The following DOCK3 variants were observed in gnomAD, a reference collection of about 807,000 sequenced individuals.
The protein encoded by DOCK3 is dedicator of cytokinesis 3.
DOCK3 carries 60 observed loss-of-function variants against 265.6 expected under a neutral mutation model. The observed-to-expected ratio is 0.23, with a 90% confidence interval of 0.18 to 0.28. DOCK3 has a LOEUF of 0.28. Ranked by LOEUF, DOCK3 falls within the 10% of genes least tolerant of loss-of-function variation. DOCK3 has a pLI of 1.00. For synonymous variants in DOCK3, 881 were observed against 938.0 expected (o/e 0.94, Z 1.11); for missense variants, 1,981 against 2,594.3 (o/e 0.76, Z 5.14).
At chr3:50,708,081 T>C (rs2036527633) in intron 1 of DOCK3, among the ~76,000 whole-genome samples, 1 of 152,162 alleles carries the variant, frequency 6.6e-6, no homozygotes, top group Non-Finnish European at 1.5e-5. Flanking sequence ...GTGCAGATGC[T>C]GACAGTGATG....
intron 32 of DOCK3, among the ~76,000 whole-genome samples, chr3:51,316,788 C>T (rs1289900065): frequency 6.6e-6 from 1 of 152,114 alleles, no homozygotes; most frequent in African/African-American, 2.4e-5. Context: ...AGCTTTTGTT[C>T]ATTTTCATTT....
chr3:51,105,015 A>G (rs1227887290), intron 9 of DOCK3, among the ~76,000 whole-genome samples: 1 of 152,218 alleles, frequency 6.6e-6, no homozygotes, highest in African/African-American at 2.4e-5. Context: ...ATAATGGGAA[A>G]GCATGAGTAC....
At chr3:51,350,886 C>A (rs1458727849) in intron 40 of DOCK3, among the ~76,000 whole-genome samples, 1 of 152,216 alleles carries the variant, frequency 6.6e-6, no homozygotes, top group Non-Finnish European at 1.5e-5. Flanking sequence ...CTGAAGAACA[C>A]AGCATGTGGC....
At chr3:51,317,509 G>A (rs1055156519) in intron 32 of DOCK3, among the ~76,000 whole-genome samples, 16 of 150,350 alleles carry the variant, frequency 1.1e-4, no homozygotes, top group African/African-American at 3.9e-4. Flanking sequence ...GAACCCGGGA[G>A]GTGGAAGTTG....
At chr3:50,887,425 A>G (rs901035104) in intron 3 of DOCK3, among the ~76,000 whole-genome samples, 2 of 127,506 alleles carry the variant, frequency 1.6e-5, no homozygotes, top group Non-Finnish European at 3.2e-5. Flanking sequence ...GCCAAATTCT[A>G]TCAGGGGTAC....
chr3:50,819,511 G>A (rs1408788393), intron 2 of DOCK3, among the ~76,000 whole-genome samples: 1 of 152,174 alleles, frequency 6.6e-6, no homozygotes, highest in African/African-American at 2.4e-5. Context: ...GGTGGGGCAT[G>A]GTGGCTAACA....
At chr3:50,689,300 A>T (rs2035050966) in intron 1 of DOCK3, among the ~76,000 whole-genome samples, 1 of 152,210 alleles carries the variant, frequency 6.6e-6, no homozygotes, top group African/African-American at 2.4e-5. Context: ...CTGAGACTGG[A>T]TGATTTATAA....
chr3:50,905,609 T>C (rs932394598), intron 4 of DOCK3, among the ~76,000 whole-genome samples: 3 of 152,132 alleles, frequency 2.0e-5, no homozygotes, highest in African/African-American at 7.3e-5. Context: ...TGCACATTGA[T>C]TTTGTATCCT....
chr3:50,809,295 T>C (rs1408710673), intron 2 of DOCK3, among the ~76,000 whole-genome samples: 2 of 152,118 alleles, frequency 1.3e-5, no homozygotes, highest in African/African-American at 4.8e-5. Context: ...AAAACACATA[T>C]CCTAGTGGCT....
At chr3:50,845,710 A>G (rs1018592520) in intron 3 of DOCK3, among the ~76,000 whole-genome samples, 1 of 152,182 alleles carries the variant, frequency 6.6e-6, no homozygotes, top group African/African-American at 2.4e-5. Flanking sequence ...TTTATCAGGA[A>G]AACAAAAGGT....
intron 3 of DOCK3, among the ~76,000 whole-genome samples, chr3:50,884,134 AGGCTGGAGTGCAGT>A (rs1281185038): frequency 2.0e-5 from 3 of 148,832 alleles, no homozygotes; most frequent in African/African-American, 7.5e-5. Context: ...TCGCTCTTTC[AGGCTGGAGTGCAGT>A]GGCGCCATCT....
chr3:51,356,843 C>G (rs996698623), intron 43 of DOCK3, 119 bp from the exon 44 acceptor site: 68 of 1,250,662 alleles, frequency 5.4e-5, no homozygotes, highest in Middle Eastern at 2.8e-4. Flanking sequence ...CAGGGAGTCT[C>G]AAGTTCACAG....
intron 5 of DOCK3, among the ~76,000 whole-genome samples, chr3:50,988,582 T>C (rs2077989725): frequency 6.6e-6 from 1 of 152,144 alleles, no homozygotes; most frequent in Admixed American, 6.5e-5. Flanking sequence ...CATTCCTCCC[T>C]ACTGGATGGG....
At chr3:51,005,644 A>G (rs1054709678) in intron 5 of DOCK3, among the ~76,000 whole-genome samples, 1 of 152,134 alleles carries the variant, frequency 6.6e-6, no homozygotes, top group African/African-American at 2.4e-5. Flanking sequence ...ACTCCAATCA[A>G]ATGTTTAGCA....
At position 51,311,277 on chromosome 3, in the gene DOCK3, A is replaced by G. The variant is rs548138086; in HGVS notation, c.3018-727A>G. Among the ~76,000 whole-genome samples, 204 of 152,150 alleles carry G rather than the reference A, an allele frequency of 1.3e-3. No homozygotes were observed. In the Middle Eastern group the frequency reaches 0.017, roughly 13 times the overall value. On this transcript the variant is annotated intron_variant, in intron 28 of 52. Transcript: ENST00000266037. ...GTCTTTCTAATGCACTGTTTTTGTC[A>G]TGTTCTTCTGCATCTAAGCAGAGGT...
intron 4 of DOCK3, among the ~76,000 whole-genome samples, chr3:50,920,453 A>G (rs143969310): frequency 6.6e-6 from 1 of 152,018 alleles, no homozygotes. Flanking sequence ...TCAGGGATTC[A>G]CCTTCTTCCT....
intron 1 of DOCK3, among the ~76,000 whole-genome samples, chr3:50,687,404 C>T (rs956165693): frequency 4.6e-5 from 7 of 152,122 alleles, no homozygotes; most frequent in Non-Finnish European, 5.9e-5. Flanking sequence ...ACCCATTCTG[C>T]GTCACTGAAA....
At chr3:50,973,488 A>G (rs1350212830) in intron 5 of DOCK3, among the ~76,000 whole-genome samples, 1 of 140,448 alleles carries the variant, frequency 7.1e-6, no homozygotes, top group Non-Finnish European at 1.5e-5. Context: ...TTATGGCTGC[A>G]TAGTATTCCA....
At chr3:51,084,639 A>AT (rs2082357236) in intron 7 of DOCK3, among the ~76,000 whole-genome samples, 3 of 152,230 alleles carry the variant, frequency 2.0e-5, no homozygotes, top group Admixed American at 2.0e-4. Flanking sequence ...GTCTACCATC[A>AT]TGAAAACACA....
Sources: gnomAD v4.1 joint callset for allele counts (sites outside exome capture counted in the v4.1 genomes callset) on GRCh38, gnomAD v4.1.1 for gene constraint, MANE v1.5 for transcripts, NCBI Gene and HGNC (gene_info 2026-07-23, HGNC 2026-07-21) for gene names.